Variants in SEC24D observed in about 807,000 individuals in gnomAD.
The protein encoded by SEC24D is SEC24 homolog D, COPII component.
SEC24D carries 69 observed loss-of-function variants against 116.9 expected under a neutral mutation model. The observed-to-expected ratio is 0.59, with a 90% CI of 0.49 to 0.72. The LOEUF is 0.72. Among genes scored for constraint, SEC24D ranks in the 30% least tolerant of loss-of-function variants. SEC24D has a pLI of 0.00. For missense variants in SEC24D, 1,131 were observed against 1,264.1 expected (o/e 0.89, Z 1.60); for synonymous variants, 405 against 442.8 (o/e 0.91, Z 1.07).
At chr4:118,783,701 TATACAAGTATAA>T (rs1728534744) in intron 8 of SEC24D, among the ~76,000 whole-genome samples, 1 of 152,232 alleles carries the variant, frequency 6.6e-6, no homozygotes, top group Non-Finnish European at 1.5e-5. Flanking sequence ...CAGGAGTGAT[TATACAAGTATAA>T]ATACAAGTAT....
chr4:118,789,651 C>T (rs1728807573), intron 8 of SEC24D, among the ~76,000 whole-genome samples: 1 of 152,352 alleles, frequency 6.6e-6, no homozygotes. Context: ...GTGGCGCAAC[C>T]TTAGCTCACT....
At chr4:118,835,008 G>T (rs1230687188) in intron 1 of SEC24D, among the ~76,000 whole-genome samples, 1 of 152,122 alleles carries the variant, frequency 6.6e-6, no homozygotes, top group Non-Finnish European at 1.5e-5. Context: ...CCTTCTCCTG[G>T]GAAGGGGAGA....
At chr4:118,833,554 T>C in intron 2 of SEC24D, 25 bp downstream of exon 2, 1 of 1,488,552 alleles carries the variant, frequency 6.7e-7, no homozygotes, top group Non-Finnish European at 9.3e-7. Flanking sequence ...AATAATCACA[T>C]ACAAGTCAAA....
intron 8 of SEC24D, among the ~76,000 whole-genome samples, chr4:118,795,103 G>A (rs955414875): frequency 2.6e-5 from 4 of 151,942 alleles, no homozygotes; most frequent in Admixed American, 2.0e-4. Context: ...TCTTTGGATT[G>A]TTTATGTTTT....
chr4:118,827,369 A>G (rs992709229), intron 2 of SEC24D, among the ~76,000 whole-genome samples: 1 of 152,178 alleles, frequency 6.6e-6, no homozygotes, highest in African/African-American at 2.4e-5. Flanking sequence ...CAGGTCCTTT[A>G]TAGAGCAATA....
In SEC24D at chr4:118,806,643, TA is replaced by T. The variant is rs140668239; in HGVS notation, c.802-690del. Reference sequence around the variant, plus strand: ...CCACTGCACCTGGCCAGCATTTTCTTAAAAAAAAAAAAATCTGGTAAGAAAA... The same window carrying T: ...CCACTGCACCTGGCCAGCATTTTCTTAAAAAAAAAAAATCTGGTAAGAAAA... On this transcript the variant is annotated intron_variant, in intron 6 of 22. Transcript: ENST00000280551. Among the ~76,000 whole-genome samples the T allele has an allele frequency of 7.7e-3, 1,112 of 145,146 alleles. 9 individuals are homozygous for T. The highest frequency in any genetic ancestry group is 0.023 in the African/African-American group (904 of 39,802).
At chr4:118,736,710 A>G in intron 19 of SEC24D, 1 of 157,180 alleles carries the variant, frequency 6.4e-6, no homozygotes. Flanking sequence ...TACTTAAGTT[A>G]CATTATTTTT....
intron 8 of SEC24D, among the ~76,000 whole-genome samples, chr4:118,777,629 A>T (rs1297680416): frequency 6.6e-6 from 1 of 152,180 alleles, no homozygotes; most frequent in Non-Finnish European, 1.5e-5. Flanking sequence ...TATACCCAGT[A>T]ATGGGATTGC....
chr4:118,752,435 C>G (rs1488817189), intron 12 of SEC24D, among the ~76,000 whole-genome samples: 1 of 152,092 alleles, frequency 6.6e-6, no homozygotes, highest in African/African-American at 2.4e-5. Flanking sequence ...CTTGCGATAC[C>G]TTTCCAGAAA....
chr4:118,793,728 A>G (rs987188461), intron 8 of SEC24D, among the ~76,000 whole-genome samples: 1 of 152,206 alleles, frequency 6.6e-6, no homozygotes, highest in Non-Finnish European at 1.5e-5. Flanking sequence ...AAATAAAAGT[A>G]TTCCTTTAAA....
intron 6 of SEC24D, among the ~76,000 whole-genome samples, chr4:118,809,055 G>T (rs1729793791): frequency 6.6e-6 from 1 of 151,618 alleles, no homozygotes. Context: ...CTCCCTGCAA[G>T]CTCTGCCTCC....
At chr4:118,799,775 T>G (rs897533669) in intron 7 of SEC24D, among the ~76,000 whole-genome samples, 1 of 152,102 alleles carries the variant, frequency 6.6e-6, no homozygotes, top group African/African-American at 2.4e-5. Flanking sequence ...TTTGGTGGAA[T>G]GCTAGGGAAA....
intron 10 of SEC24D, 87 bp from the exon 11 acceptor site, chr4:118,757,932 T>G: frequency 9.3e-7 from 1 of 1,069,680 alleles, no homozygotes; most frequent in Non-Finnish European, 1.3e-6. Flanking sequence ...TTGAAAGTCA[T>G]CAGATGTTTC....
At chr4:118,826,759 T>A (rs889481753) in intron 2 of SEC24D, among the ~76,000 whole-genome samples, 1 of 152,098 alleles carries the variant, frequency 6.6e-6, no homozygotes, top group Non-Finnish European at 1.5e-5. Flanking sequence ...CTCTGATATA[T>A]GCAAGCAGAA....
chr4:118,817,027 T>C lies in SEC24D; in HGVS notation c.397+237A>G, dbSNP rs893807655. ...TTTGTCTTTTCTTATTGTTCAATCA[T>C]TGAATGGAAGGTATTCTGAGGGTCC... On this transcript the variant is annotated intron_variant, in intron 4 of 22. Transcript: ENST00000280551. Among the ~76,000 whole-genome samples the C allele has an allele frequency of 4.6e-5, 7 of 152,362 alleles. No homozygotes were observed. The East Asian group carries it at 1.2e-3, about 25-fold the overall frequency.
intron 15 of SEC24D, 125 bp downstream of exon 15, chr4:118,743,863 C>T (rs1453693512): frequency 2.4e-6 from 2 of 850,954 alleles, no homozygotes; most frequent in African/African-American, 1.7e-5. Flanking sequence ...CTTTGTTTTC[C>T]ATCTGCTCTT....
At chr4:118,735,988 C>T (rs1725938351) in intron 19 of SEC24D, 1 of 151,350 alleles carries the variant, frequency 6.6e-6, no homozygotes, top group Non-Finnish European at 1.5e-5. Context: ...GCCACTGCAC[C>T]CAGCCTAATT....
intron 3 of SEC24D, among the ~76,000 whole-genome samples, chr4:118,821,913 A>C (rs1730419819): frequency 6.6e-6 from 1 of 152,192 alleles, no homozygotes; most frequent in Non-Finnish European, 1.5e-5. Flanking sequence ...CCCCAATTCT[A>C]ACCTTCAATC....
intron 7 of SEC24D, among the ~76,000 whole-genome samples, chr4:118,799,858 A>G (rs1211500854): frequency 6.6e-6 from 1 of 152,216 alleles, no homozygotes; most frequent in Non-Finnish European, 1.5e-5. Flanking sequence ...GTTTTGCTGT[A>G]GAGGGGTGGA....
Sources: gnomAD v4.1 joint callset for allele counts (sites outside exome capture counted in the v4.1 genomes callset) on GRCh38, gnomAD v4.1.1 for gene constraint, MANE v1.5 for transcripts, NCBI Gene and HGNC (gene_info 2026-07-23, HGNC 2026-07-21) for gene names.